Variants in PALLD observed in about 807,000 individuals in gnomAD.
The protein encoded by PALLD is palladin, cytoskeletal associated protein.
A neutral mutation model predicts 123.5 loss-of-function variants in PALLD; 61 were observed. The observed-to-expected ratio is 0.49, with a 90% CI of 0.40 to 0.61. The LOEUF is 0.61. Ranked by LOEUF, PALLD falls within the 20% of genes least tolerant of loss-of-function variation. PALLD has a pLI of 0.00. For missense variants in PALLD, 1,273 were observed against 1,377.0 expected (o/e 0.92, Z 1.20); for synonymous variants, 465 against 496.4 (o/e 0.94, Z 0.84).
chr4:168,715,493 A>G (rs1785260633), intron 10 of PALLD, among the ~76,000 whole-genome samples: 1 of 152,230 alleles, frequency 6.6e-6, no homozygotes, highest in Non-Finnish European at 1.5e-5. Flanking sequence ...TTAAGTCATA[A>G]TCTTAACAGG....
chr4:168,650,803 C>G (rs1777963899), intron 2 of PALLD, among the ~76,000 whole-genome samples: 1 of 152,106 alleles, frequency 6.6e-6, no homozygotes, highest in South Asian at 2.1e-4. Flanking sequence ...ACCATCTCCA[C>G]CAAGAACCCT....
At position 168,916,093 on chromosome 4, in the gene PALLD, A is replaced by G. The variant is rs185765257; in HGVS notation, c.2850+66A>G. On this transcript the variant is annotated intron_variant, in intron 17 of 21. Transcript: ENST00000505667. ...TCTCCCTCACTTGCCATTTCTCTAT[A>G]GTTCCTTTTGGGGAAATTACATAAA... The G allele has an allele frequency of 7.3e-4, 1,080 of 1,471,800 alleles. 1 individual carries two copies. The highest frequency in any genetic ancestry group is 1.1e-3 in the Admixed American group (67 of 59,826). 91.2% of individuals were successfully genotyped at this position (1,471,800 alleles called of 1,614,324 possible).
chr4:168,625,013 G>T (rs1408748129), intron 2 of PALLD, among the ~76,000 whole-genome samples: 2 of 151,974 alleles, frequency 1.3e-5, no homozygotes, highest in Non-Finnish European at 2.9e-5. Context: ...TAATTCTGAT[G>T]ATACAAACAG....
At chr4:168,902,739 TTAAAAA>T (rs1756806008) in intron 14 of PALLD, among the ~76,000 whole-genome samples, 1 of 152,200 alleles carries the variant, frequency 6.6e-6, no homozygotes. Context: ...TTTGGACTAC[TTAAAAA>T]TATTGTATTT....
At chr4:168,652,973 G>A (rs111892624) in intron 2 of PALLD, among the ~76,000 whole-genome samples, 2 of 152,160 alleles carry the variant, frequency 1.3e-5, no homozygotes, top group South Asian at 2.1e-4. Context: ...ACTTTCAGCC[G>A]TCAGTTGTCA....
At chr4:168,906,835 A>G (rs1560899181) in intron 15 of PALLD, among the ~76,000 whole-genome samples, 1 of 152,150 alleles carries the variant, frequency 6.6e-6, no homozygotes, top group Admixed American at 6.6e-5. Context: ...CCAAAGCCCA[A>G]TATATAATGC....
intron 10 of PALLD, among the ~76,000 whole-genome samples, chr4:168,863,522 C>T (rs967845330): frequency 1.3e-5 from 2 of 152,154 alleles, no homozygotes; most frequent in African/African-American, 4.8e-5. Context: ...CTGGAAATCC[C>T]TCCATGAGGA....
At chr4:168,834,440 T>C (rs1024433067) in intron 10 of PALLD, among the ~76,000 whole-genome samples, 9 of 152,152 alleles carry the variant, frequency 5.9e-5, no homozygotes, top group Non-Finnish European at 1.2e-4. Flanking sequence ...CTTTTAATAT[T>C]TTTAAAGGTA....
At chr4:168,564,105 G>A (rs1338447131) in intron 2 of PALLD, among the ~76,000 whole-genome samples, 2 of 152,174 alleles carry the variant, frequency 1.3e-5, no homozygotes, top group Non-Finnish European at 2.9e-5. Flanking sequence ...GTTTTATTCT[G>A]AGCCTAGCTG....
chr4:168,816,414 T>TG (rs1554088402), intron 10 of PALLD, among the ~76,000 whole-genome samples: 2 of 123,796 alleles, frequency 1.6e-5, no homozygotes, highest in Non-Finnish European at 3.2e-5. Context: ...TATATATATA[T>TG]TTTTTTTAAG....
intron 2 of PALLD, among the ~76,000 whole-genome samples, chr4:168,549,139 A>G (rs1766468164): frequency 6.6e-6 from 1 of 152,226 alleles, no homozygotes; most frequent in Non-Finnish European, 1.5e-5. Flanking sequence ...GACAATTTAA[A>G]TCACTTACTC....
At chr4:168,549,012 C>A (rs533912902) in intron 2 of PALLD, among the ~76,000 whole-genome samples, 22 of 151,538 alleles carry the variant, frequency 1.5e-4, no homozygotes, top group Non-Finnish European at 2.5e-4. Flanking sequence ...CAGAGCAAGA[C>A]CCTATCTCTA....
intron 10 of PALLD, among the ~76,000 whole-genome samples, chr4:168,837,422 C>T (rs1420609761): frequency 6.6e-6 from 1 of 152,206 alleles, no homozygotes; most frequent in Non-Finnish European, 1.5e-5. Context: ...AAGGAAAGCA[C>T]ATATGTAGAC....
rs553404374 is a variant in PALLD, at chr4:168,795,250, A to G, written c.1964+83327A>G. On this transcript the variant is annotated intron_variant, in intron 10 of 21. Transcript: ENST00000505667. Reference sequence around the variant, plus strand: ...CTGCACTATATATAGCTTTACCACCATTTGAAAAGTACAATTCCTGTCAGT... The same window carrying G: ...CTGCACTATATATAGCTTTACCACCGTTTGAAAAGTACAATTCCTGTCAGT... Among the ~76,000 whole-genome samples the G allele has an allele frequency of 2.0e-5, 3 of 152,330 alleles. No homozygotes were observed. The South Asian group carries it at 6.2e-4, about 32-fold the overall frequency.
intron 6 of PALLD, among the ~76,000 whole-genome samples, chr4:168,688,290 T>C (rs139291583): frequency 0.021 from 3,191 of 152,306 alleles, 100 homozygotes; most frequent in South Asian, 0.14. Context: ...TCCATCTGTT[T>C]TCTCATGCTA....
At chr4:168,566,297 A>G (rs990054842) in intron 2 of PALLD, among the ~76,000 whole-genome samples, 40 of 151,960 alleles carry the variant, frequency 2.6e-4, no homozygotes, top group African/African-American at 9.4e-4. Context: ...CCACTAATTT[A>G]TTTATTTATT....
At position 168,924,414 on chromosome 4, in the gene PALLD, G is replaced by A. The variant is rs376394488; in HGVS notation, c.3218G>A (p.Arg1073Gln). Residue 1073 changes from arginine to glutamine, a missense_variant, in exon 19 of 22, where the codon CGA (arginine) becomes CAA (glutamine). By Grantham distance (43) the Arg-to-Gln change is conservative. Transcript: ENST00000505667. ...GAATCACTCACTCACAGCACTGACC[G>A]AGTGAGGTAAGACTGCACAATGAGA... ...ENESLTHSTDRVSMHQDNHGY... is the reference protein window; with the variant it reads ...ENESLTHSTDQVSMHQDNHGY... 2.4e-5 allele frequency: 39 copies of A among 1,613,550 alleles called. No individual in the cohort carries two copies. Among genetic ancestry groups the A allele is most frequent in the Middle Eastern group, 3.3e-4 (2 of 6,080 alleles).
At chr4:168,924,109 T>C in intron 18 of PALLD, 146 bp from the exon 19 acceptor site, 1 of 681,398 alleles carries the variant, frequency 1.5e-6, no homozygotes. Flanking sequence ...AAGAATAATT[T>C]GGAGAGGGGA....
At chr4:168,768,915 G>A (rs1456608200) in intron 10 of PALLD, among the ~76,000 whole-genome samples, 1 of 151,206 alleles carries the variant, frequency 6.6e-6, no homozygotes, top group Non-Finnish European at 1.5e-5. Flanking sequence ...TGCAACCTCC[G>A]CCTCCTGGGT....
Sources: allele counts gnomAD v4.1 joint callset (sites outside exome capture counted in the v4.1 genomes callset), GRCh38; gene constraint gnomAD v4.1.1; transcripts MANE v1.5; gene names NCBI Gene and HGNC (gene_info 2026-07-23, HGNC 2026-07-21).